The following NKAIN2 variants were observed in gnomAD, a reference collection of about 807,000 sequenced individuals.
NKAIN2 encodes sodium/potassium transporting ATPase interacting 2.
NKAIN2 carries 14 observed loss-of-function variants against 32.6 expected under a neutral mutation model. The observed-to-expected ratio is 0.43, with a 90% CI of 0.28 to 0.67. The LOEUF (loss-of-function observed/expected upper bound fraction) is 0.67. NKAIN2 is among the 30% of genes least tolerant of loss of function. The probability of loss-of-function intolerance (pLI) is 0.17; values close to 1 mark genes in which losing one functional copy is unlikely to be tolerated. For missense variants in NKAIN2, 198 were observed against 258.3 expected (o/e 0.77, Z 1.60); for synonymous variants, 80 against 87.2 (o/e 0.92, Z 0.46).
At chr6:123,978,518 G>A (rs946908577) in intron 1 of NKAIN2, among the ~76,000 whole-genome samples, 2 of 152,180 alleles carry the variant, frequency 1.3e-5, no homozygotes, top group African/African-American at 2.4e-5. Context: ...CTAACCACCT[G>A]TGCTGATACA....
chr6:124,237,840 G>T (rs941755857), intron 1 of NKAIN2, among the ~76,000 whole-genome samples: 2 of 152,032 alleles, frequency 1.3e-5, no homozygotes, highest in Middle Eastern at 3.2e-3. Flanking sequence ...CAACTGAAAG[G>T]TAATGCTATG....
At chr6:124,763,893 C>T (rs1348693463) in intron 4 of NKAIN2, among the ~76,000 whole-genome samples, 2 of 152,122 alleles carry the variant, frequency 1.3e-5, no homozygotes, top group African/African-American at 4.8e-5. Context: ...ATTTGCTTCC[C>T]TCAAATGTTT....
intron 2 of NKAIN2, among the ~76,000 whole-genome samples, chr6:124,293,152 T>C (rs1422544466): frequency 2.6e-5 from 4 of 152,104 alleles, no homozygotes; most frequent in Non-Finnish European, 5.9e-5. Flanking sequence ...AGTAGTTTCC[T>C]TCAATTATTA....
chr6:123,883,899 A>G (rs892935107), intron 1 of NKAIN2, among the ~76,000 whole-genome samples: 12 of 149,738 alleles, frequency 8.0e-5, no homozygotes, highest in Admixed American at 2.0e-4. Context: ...TGTCTCAAAA[A>G]AAAAAAAAAA....
At chr6:124,672,948 CTGCTGACTGTA>C (rs1334461414) in intron 4 of NKAIN2, among the ~76,000 whole-genome samples, 10 of 152,028 alleles carry the variant, frequency 6.6e-5, no homozygotes, top group Non-Finnish European at 1.3e-4. Context: ...CAAGACACTG[CTGCTGACTGTA>C]TGCACATTGT....
intron 3 of NKAIN2, among the ~76,000 whole-genome samples, chr6:124,371,320 C>T (rs1799750909): frequency 6.6e-6 from 1 of 151,762 alleles, no homozygotes; most frequent in South Asian, 2.1e-4. Flanking sequence ...GAGTGTTTCC[C>T]TACAATCTTG....
chr6:124,352,484 T>A (rs558758214), intron 2 of NKAIN2, among the ~76,000 whole-genome samples: 6 of 152,316 alleles, frequency 3.9e-5, no homozygotes, highest in African/African-American at 1.4e-4. Flanking sequence ...ATTAAAAAGC[T>A]TCAGCATTGA....
chr6:123,925,390 A>G (rs2114504165), intron 1 of NKAIN2, among the ~76,000 whole-genome samples: 1 of 152,286 alleles, frequency 6.6e-6, no homozygotes, highest in East Asian at 1.9e-4. Context: ...TATAAAACAA[A>G]GTGGATTTGA....
chr6:123,948,233 A>G (rs1777159424), intron 1 of NKAIN2, among the ~76,000 whole-genome samples: 1 of 152,050 alleles, frequency 6.6e-6, no homozygotes, highest in African/African-American at 2.4e-5. Context: ...TAAACATGGG[A>G]GTGCAGGTAT....
chr6:124,508,925 A>C (rs936574784), intron 3 of NKAIN2, among the ~76,000 whole-genome samples: 15 of 152,270 alleles, frequency 9.9e-5, no homozygotes, highest in Admixed American at 9.8e-4. Flanking sequence ...TTAAAAGGAC[A>C]CCAGTCATAT....
intron 2 of NKAIN2, among the ~76,000 whole-genome samples, chr6:124,349,900 G>A (rs758974437): frequency 9.7e-4 from 147 of 152,184 alleles, no homozygotes; most frequent in Non-Finnish European, 1.6e-3. Flanking sequence ...GGATTCTCAA[G>A]TTAAGTTAAT....
chr6:124,360,544 A>G (rs961530153), intron 3 of NKAIN2, among the ~76,000 whole-genome samples: 10 of 152,176 alleles, frequency 6.6e-5, no homozygotes, highest in Admixed American at 2.0e-4. Flanking sequence ...TGAAAATCCA[A>G]CATTATTATT....
intron 3 of NKAIN2, among the ~76,000 whole-genome samples, chr6:124,435,751 T>C (rs1158633114): frequency 6.6e-6 from 1 of 152,132 alleles, no homozygotes; most frequent in Non-Finnish European, 1.5e-5. Context: ...GAGATCAAAA[T>C]AATAACAAAG....
intron 1 of NKAIN2, among the ~76,000 whole-genome samples, chr6:124,146,275 A>T (rs1389858703): frequency 2.0e-5 from 3 of 152,286 alleles, no homozygotes; most frequent in East Asian, 3.9e-4. Flanking sequence ...GGGCAAAAAA[A>T]ATGTACAGTT....
chr6:124,415,420 G>T (rs1467258626), intron 3 of NKAIN2, among the ~76,000 whole-genome samples: 1 of 152,232 alleles, frequency 6.6e-6, no homozygotes, highest in African/African-American at 2.4e-5. Flanking sequence ...ATGGGGGATG[G>T]AGTGTGGAGC....
intron 2 of NKAIN2, among the ~76,000 whole-genome samples, chr6:124,351,124 T>C (rs1798706242): frequency 6.6e-6 from 1 of 152,256 alleles, no homozygotes; most frequent in South Asian, 2.1e-4. Context: ...AAGGTTGGTT[T>C]CATGAAATAG....
chr6:124,218,236 A>G (rs899171082), intron 1 of NKAIN2, among the ~76,000 whole-genome samples: 3 of 152,214 alleles, frequency 2.0e-5, no homozygotes, highest in African/African-American at 7.2e-5. Context: ...AGGGCTTAAA[A>G]GATACATGGC....
rs150802949 is a variant in NKAIN2, at chr6:124,066,963, G to A, written c.55-216042G>A. On this transcript the variant is annotated intron_variant, in intron 1 of 6. Transcript: ENST00000368417. ...TCTTAAATGCAGTATGTTTTTATTC[G>A]TCAATCTAACGCAGCTTTCTTAGGC... is the stretch of plus-strand genomic sequence containing the variant. Among the ~76,000 whole-genome samples the A allele has an allele frequency of 8.6e-3, 1,311 of 151,902 alleles. 18 individuals carry two copies. The highest frequency in any genetic ancestry group is 0.03 in the African/African-American group (1,248 of 41,436).
chr6:124,709,942 T>G (rs1775346403), intron 4 of NKAIN2, among the ~76,000 whole-genome samples: 1 of 152,208 alleles, frequency 6.6e-6, no homozygotes, highest in African/African-American at 2.4e-5. Context: ...ATTTTGGATC[T>G]TTCCTGCTTT....
Sources: allele counts gnomAD v4.1 joint callset (sites outside exome capture counted in the v4.1 genomes callset), GRCh38; gene constraint gnomAD v4.1.1; transcripts MANE v1.5; gene names NCBI Gene and HGNC (gene_info 2026-07-23, HGNC 2026-07-21).